Variants in PPIP5K2 observed in about 807,000 individuals in gnomAD.
The protein encoded by PPIP5K2 is inositol hexakisphosphate and diphosphoinositol-pentakisphosphate kinase 2.
Under a neutral mutation model 154.6 loss-of-function variants are expected in PPIP5K2, and 105 were observed. The observed-to-expected ratio is 0.68, with a 90% CI of 0.58 to 0.80. The LOEUF is 0.80. Among genes scored for constraint, PPIP5K2 ranks in the 30% least tolerant of loss-of-function variants. The pLI is 0.00. For missense variants in PPIP5K2, 992 were observed against 1,504.6 expected, an observed-to-expected ratio of 0.66 and a Z score of 5.64; for synonymous variants, 480 against 490.3, an observed-to-expected ratio of 0.98 and a Z score of 0.28.
rs1803819476 is a variant in PPIP5K2, at chr5:103,211,750, C to A, written c.*10116C>A. On this transcript the variant is annotated 3_prime_UTR_variant, in exon 31 of 31. Coordinates refer to ENST00000358359, the MANE Select transcript of PPIP5K2 (RefSeq NM_001276277.3). ...GTTACTACACTAAGCCCTGATGATA[C>A]AAATATGAAAAGTCCTGTTTCCAGG... The A allele has an allele frequency of 1.3e-5, 2 of 152,006 alleles. No individual in the cohort carries two copies. The highest frequency in any genetic ancestry group is 4.8e-5 in the African/African-American group (2 of 41,380). 9.4% of individuals were successfully genotyped at this position (152,006 alleles called of 1,614,324 possible).
intron 3 of PPIP5K2, among the ~76,000 whole-genome samples, chr5:103,135,197 G>A (rs1791267870): frequency 6.6e-6 from 1 of 152,086 alleles, no homozygotes; most frequent in South Asian, 2.1e-4. Context: ...CAGGTACTGT[G>A]CTTAGTGCCT....
chr5:103,164,712 C>T (rs1796875600), intron 17 of PPIP5K2, among the ~76,000 whole-genome samples: 1 of 151,980 alleles, frequency 6.6e-6, no homozygotes, highest in African/African-American at 2.4e-5. Flanking sequence ...TTTTACTTCC[C>T]TTCAGTGGAT....
Position 103,211,433 on chromosome 5 carries a change from T to C in PPIP5K2, c.*9799T>C, listed in dbSNP as rs575765055. 6.6e-6 allele frequency: 1 copy of C among 152,116 alleles called. No individual in the cohort carries two copies. Among genetic ancestry groups the C allele is most frequent in the Non-Finnish European group, 1.5e-5 (1 of 67,928 alleles). The allele number at this position is 152,116 out of a possible 1,614,324, so 9.4% of individuals were successfully genotyped here. ...ATACATAGAAAAGTTAGTTGCCAAA[T>C]ATGGTGTGGGAATTTGGGAGGAATT... On this transcript the variant is annotated 3_prime_UTR_variant, in exon 31 of 31. Transcript: ENST00000358359.
chr5:103,189,110 T>A, intron 28 of PPIP5K2: 1 of 1,329,836 alleles, frequency 7.5e-7, no homozygotes, highest in Non-Finnish European at 1.0e-6. Flanking sequence ...TCAAGGAACA[T>A]GGTGAAACAA....
chr5:103,149,120 A>G (rs371823142), intron 7 of PPIP5K2, 32 bp from the exon 8 acceptor site: 52 of 1,520,334 alleles, frequency 3.4e-5, no homozygotes, highest in South Asian at 6.1e-5. Flanking sequence ...ATACATATAT[A>G]TATTTATACA....
chr5:103,165,684 G>T (rs1053923336), intron 17 of PPIP5K2, among the ~76,000 whole-genome samples: 1 of 152,042 alleles, frequency 6.6e-6, no homozygotes, highest in East Asian at 1.9e-4. Context: ...ACAGTTTCCC[G>T]AAGAAATCAG....
chr5:103,197,443 T>C (rs1372818026), intron 30 of PPIP5K2, among the ~76,000 whole-genome samples: 2 of 152,054 alleles, frequency 1.3e-5, no homozygotes, highest in African/African-American at 4.8e-5. Flanking sequence ...TTCATGTTAC[T>C]GGTAATTTGT....
At chr5:103,161,110 AC>A (rs1580259189) in intron 17 of PPIP5K2, among the ~76,000 whole-genome samples, 1 of 142,066 alleles carries the variant, frequency 7.0e-6, no homozygotes, top group Admixed American at 7.1e-5. Flanking sequence ...CCTCCCCCCA[AC>A]CCCCACCCCC....
At chr5:103,131,168 C>T (rs781292755) in intron 2 of PPIP5K2, among the ~76,000 whole-genome samples, 6 of 152,066 alleles carry the variant, frequency 3.9e-5, no homozygotes, top group Non-Finnish European at 5.9e-5. Context: ...TGTGTCTTTA[C>T]GTTGCTGTAT....
chr5:103,147,859 A>G (rs1487448998), intron 6 of PPIP5K2, 72 bp from the exon 7 acceptor site: 2 of 877,638 alleles, frequency 2.3e-6, no homozygotes, highest in Non-Finnish European at 3.6e-6. Context: ...TAAATAAACT[A>G]TTTGTCATTT....
At chr5:103,145,906 T>C (rs1793681986) in intron 5 of PPIP5K2, among the ~76,000 whole-genome samples, 1 of 152,068 alleles carries the variant, frequency 6.6e-6, no homozygotes, top group African/African-American at 2.4e-5. Context: ...AAAGAAATGA[T>C]AAATGTTTGA....
At chr5:103,135,353 C>T (rs908955945) in intron 3 of PPIP5K2, among the ~76,000 whole-genome samples, 12 of 152,102 alleles carry the variant, frequency 7.9e-5, no homozygotes, top group African/African-American at 2.4e-4. Context: ...AGGATTTGAA[C>T]GCTGGTTTAT....
chr5:103,128,664 G>T (rs538087890), intron 1 of PPIP5K2, among the ~76,000 whole-genome samples: 1 of 152,072 alleles, frequency 6.6e-6, no homozygotes. Flanking sequence ...AGAATTTAGT[G>T]CACATGTACT....
At chr5:103,150,169 A>G (rs1554210795) in intron 8 of PPIP5K2, among the ~76,000 whole-genome samples, 1 of 152,202 alleles carries the variant, frequency 6.6e-6, no homozygotes, top group Non-Finnish European at 1.5e-5. Context: ...AGACTAGTAT[A>G]TATTACTGGT....
intron 9 of PPIP5K2, among the ~76,000 whole-genome samples, chr5:103,152,036 T>C (rs888342439): frequency 6.6e-6 from 1 of 152,000 alleles, no homozygotes; most frequent in African/African-American, 2.4e-5. Flanking sequence ...TAAGTATCCC[T>C]TATCCAAAAT....
intron 20 of PPIP5K2, among the ~76,000 whole-genome samples, chr5:103,173,554 G>A (rs1798266826): frequency 6.6e-6 from 1 of 151,932 alleles, no homozygotes; most frequent in South Asian, 2.1e-4. Context: ...ATGTCTGTGA[G>A]CATCTTTAGG....
Position 103,149,316 on chromosome 5 carries a change from A to G in PPIP5K2, c.906+3A>G, listed in dbSNP as rs1367602732. ...GGAAAGTCTGCCTTGCTTTTAAGGTAAGATGTTATACAGGCCTATAGATCC... is the reference window on the plus strand; with the variant it reads ...GGAAAGTCTGCCTTGCTTTTAAGGTGAGATGTTATACAGGCCTATAGATCC... On this transcript the variant is annotated splice_donor_region_variant and intron_variant, in intron 8 of 30. Transcript: ENST00000358359. 2 of 1,612,466 alleles carry G rather than the reference A, an allele frequency of 1.2e-6. No individual in the cohort carries two copies. The highest frequency in any genetic ancestry group is 1.7e-6 in the Non-Finnish European group (2 of 1,179,120).
intron 1 of PPIP5K2, among the ~76,000 whole-genome samples, chr5:103,128,822 ATTG>A (rs1438534179): frequency 6.6e-6 from 1 of 152,168 alleles, no homozygotes; most frequent in African/African-American, 2.4e-5. Context: ...AGAATATAGA[ATTG>A]TTATGTTCCC....
intron 1 of PPIP5K2, among the ~76,000 whole-genome samples, chr5:103,122,286 C>A (rs1788900937): frequency 6.6e-6 from 1 of 152,142 alleles, no homozygotes; most frequent in Non-Finnish European, 1.5e-5. Context: ...ATCCAAAATG[C>A]TGCGGAACAT....
Sources: allele counts gnomAD v4.1 joint callset (sites outside exome capture counted in the v4.1 genomes callset), GRCh38; gene constraint gnomAD v4.1.1; transcripts MANE v1.5; gene names NCBI Gene and HGNC (gene_info 2026-07-23, HGNC 2026-07-21).